CUX2: variants seen among roughly 807,000 people sequenced by gnomAD.
CUX2 encodes the protein homeobox protein cut-like 2.
Under a neutral mutation model 144.8 loss-of-function variants are expected in CUX2, and 40 were observed. The observed-to-expected ratio is 0.28, with a 90% CI of 0.21 to 0.36. The LOEUF (loss-of-function observed/expected upper bound fraction) is 0.36. Ranked by LOEUF, CUX2 falls within the 10% of genes least tolerant of loss-of-function variation. The pLI, the probability that CUX2 is intolerant of heterozygous loss-of-function variation, is 1.00. For synonymous variants in CUX2, 827 were observed against 875.6 expected (o/e 0.94, Z 0.98); for missense variants, 1,615 against 1,994.0 (o/e 0.81, Z 3.62).
Position 111,068,657 on chromosome 12 carries a change from T to C in CUX2, c.63+34417T>C, listed in dbSNP as rs1033059928. 2.0e-5 allele frequency among the ~76,000 whole-genome samples: 3 copies of C among 152,234 alleles called. No individual in the cohort carries two copies. The highest frequency in any genetic ancestry group is 7.2e-5 in the African/African-American group (3 of 41,466). On this transcript the variant is annotated intron_variant, in intron 1 of 21. Coordinates refer to ENST00000261726, the MANE Select transcript of CUX2 (RefSeq NM_015267.4). The surrounding 1 kb of genome is among the most constrained non-coding windows in gnomAD (Gnocchi z 4.9). ...TGCAGCAGTGCCTTTGTAGCTCACC[T>C]GCTCTGCCTTGCGTGGTTCAACTCC...
At chr12:111,200,620 C>G (rs1410785588) in intron 1 of CUX2, among the ~76,000 whole-genome samples, 1 of 152,068 alleles carries the variant, frequency 6.6e-6, no homozygotes, top group Non-Finnish European at 1.5e-5. Context: ...CCCATTCAAT[C>G]CAGGCCTCCC....
rs1010847147 is a variant in CUX2, at chr12:111,320,544, A to C, written c.2535A>C (p.Glu845Asp). 3 of 1,535,026 alleles carry C rather than the reference A, an allele frequency of 2.0e-6. No homozygotes were observed. The African/African-American group carries it at 4.2e-5, about 22-fold the overall frequency. Residue 845 changes from glutamate to aspartate, a missense_variant, in exon 17 of 22, where the codon GAA becomes GAC. By Grantham distance (45) the Glu-to-Asp change is conservative. Coordinates refer to ENST00000261726, the MANE Select transcript of CUX2 (RefSeq NM_015267.4). This position sits in a 1 kb window ranked among gnomAD's most constrained non-coding sequence, Gnocchi z 8.1. ...AGGCGGCGGCAGGGGCGGAGGACGA[A>C]CCCCCCAGGACGGGCGAGCTCAAGG... ...EDEAAAGAED[E>D]PPRTGELKAE...
intron 1 of CUX2, among the ~76,000 whole-genome samples, chr12:111,137,920 G>A (rs1328996641): frequency 6.6e-6 from 1 of 152,218 alleles, no homozygotes; most frequent in African/African-American, 2.4e-5. Context: ...ACAAGCTCTG[G>A]TCATGACAGA....
At chr12:111,056,466 C>T (rs563996517) in intron 1 of CUX2, among the ~76,000 whole-genome samples, 1 of 152,336 alleles carries the variant, frequency 6.6e-6, no homozygotes, top group South Asian at 2.1e-4. Flanking sequence ...ACCTCAGCTA[C>T]CTGTGGGAAC....
intron 18 of CUX2, among the ~76,000 whole-genome samples, chr12:111,323,039 C>T (rs1047123995): frequency 1.3e-5 from 2 of 152,204 alleles, no homozygotes; most frequent in African/African-American, 2.4e-5. Context: ...GTCAGCTTTG[C>T]CCGGGTGAGG....
chr12:111,251,107 T>C (rs934634013), intron 3 of CUX2, among the ~76,000 whole-genome samples: 3 of 152,144 alleles, frequency 2.0e-5, no homozygotes, highest in African/African-American at 7.2e-5. Flanking sequence ...AGAGAAATTG[T>C]GGATTTACTG....
At chr12:111,224,052 G>A (rs1345426844) in intron 3 of CUX2, among the ~76,000 whole-genome samples, 1 of 152,110 alleles carries the variant, frequency 6.6e-6, no homozygotes, top group Non-Finnish European at 1.5e-5. Flanking sequence ...GGGAGTCATG[G>A]GAGGCTTTAG....
intron 1 of CUX2, among the ~76,000 whole-genome samples, chr12:111,083,502 G>A (rs914513276): frequency 3.3e-5 from 5 of 152,100 alleles, no homozygotes; most frequent in Non-Finnish European, 7.4e-5. Flanking sequence ...ATCTTGGGGT[G>A]CCATCCAGGG....
In CUX2 at chr12:111,277,832, G is replaced by T. The variant is rs189263769; in HGVS notation, c.302-13586G>T. Among the ~76,000 whole-genome samples the T allele has an allele frequency of 4.1e-4, 62 of 152,306 alleles. No individual in the cohort carries two copies. Among genetic ancestry groups the T allele is most frequent in the Middle Eastern group, 3.4e-3 (1 of 294 alleles). On this transcript the variant is annotated intron_variant, in intron 4 of 21. Coordinates refer to ENST00000261726, the MANE Select transcript of CUX2 (RefSeq NM_015267.4). This position sits in a 1 kb window ranked among gnomAD's most constrained non-coding sequence, Gnocchi z 5.0. Reference sequence around the variant, plus strand: ...TGTAACAAATACCATGAGCTTAGAGGCTTAAAACAACACACGTTTATGATC... The same window carrying T: ...TGTAACAAATACCATGAGCTTAGAGTCTTAAAACAACACACGTTTATGATC...
At chr12:111,245,992 C>T (rs986261651) in intron 3 of CUX2, among the ~76,000 whole-genome samples, 7 of 152,270 alleles carry the variant, frequency 4.6e-5, no homozygotes, top group South Asian at 2.1e-4. Context: ...GCCTGTACCC[C>T]GCTCAGGCAG....
chr12:111,307,351 C>T lies in CUX2; in HGVS notation c.1109+94C>T, dbSNP rs187521145. The T allele has an allele frequency of 2.6e-5, 30 of 1,149,552 alleles. No homozygotes were observed. Among genetic ancestry groups the T allele is most frequent in the Non-Finnish European group, 3.8e-5 (30 of 792,532 alleles). The allele number at this position is 1,149,552 out of a possible 1,614,324, so 71.2% of individuals were successfully genotyped here. On this transcript the variant is annotated intron_variant, in intron 12 of 21. Coordinates refer to ENST00000261726, the MANE Select transcript of CUX2 (RefSeq NM_015267.4). This position sits in a 1 kb window ranked among gnomAD's most constrained non-coding sequence, Gnocchi z 4.1. ...CATCATCTTCCTCCCTCCTACTAAA[C>T]CCCATTTGTTCTTCTCTCCACTAAC...
chr12:111,184,523 T>C (rs140363220), intron 1 of CUX2, among the ~76,000 whole-genome samples: 1 of 130,876 alleles, frequency 7.6e-6, no homozygotes, highest in African/African-American at 3.0e-5. Context: ...ATAAATTCTA[T>C]GAAAATGGCA....
At chr12:111,210,789 C>A (rs1881179881) in intron 1 of CUX2, among the ~76,000 whole-genome samples, 2 of 149,018 alleles carry the variant, frequency 1.3e-5, no homozygotes, top group African/African-American at 5.0e-5. Flanking sequence ...AAGAGTGAGA[C>A]CCTGTCTCAA....
intron 4 of CUX2, among the ~76,000 whole-genome samples, chr12:111,275,590 A>G (rs534970529): frequency 1.3e-5 from 2 of 152,262 alleles, no homozygotes; most frequent in East Asian, 1.9e-4. Context: ...TTCTCCTGAC[A>G]CTAGGATACC....
At chr12:111,055,671 C>T (rs1395024242) in intron 1 of CUX2, among the ~76,000 whole-genome samples, 1 of 152,218 alleles carries the variant, frequency 6.6e-6, no homozygotes, top group Middle Eastern at 3.2e-3. Context: ...AAGGCAGCCC[C>T]CCTTCCCCCA....
intron 9 of CUX2, among the ~76,000 whole-genome samples, chr12:111,299,051 G>A (rs1886155910): frequency 6.6e-6 from 1 of 152,226 alleles, no homozygotes; most frequent in Non-Finnish European, 1.5e-5. Context: ...TTAAAAGAAG[G>A]GCAGCCACAG....
At position 111,291,560 on chromosome 12, in the gene CUX2, T is replaced by A; in HGVS notation, c.436+8T>A. ...AGCTCCTCAGCCCCAAAGGTACTGA[T>A]AAGGCCTTCTCGGAGCGTCTACAAT... On this transcript the variant is annotated splice_region_variant and intron_variant, in intron 5 of 21. Coordinates refer to ENST00000261726, the MANE Select transcript of CUX2 (RefSeq NM_015267.4). 6.3e-7 allele frequency: 1 copy of A among 1,595,506 alleles called. No homozygotes were observed. Among genetic ancestry groups the A allele is most frequent in the Non-Finnish European group, 8.5e-7 (1 of 1,171,710 alleles).
At chr12:111,212,689 T>G (rs1271217621) in intron 1 of CUX2, among the ~76,000 whole-genome samples, 1 of 152,236 alleles carries the variant, frequency 6.6e-6, no homozygotes, top group African/African-American at 2.4e-5. Flanking sequence ...ACCTTCTCCC[T>G]TCTAGTCTCA....
At chr12:111,154,905 G>C (rs1282454940) in intron 1 of CUX2, among the ~76,000 whole-genome samples, 2 of 152,146 alleles carry the variant, frequency 1.3e-5, no homozygotes, top group African/African-American at 4.8e-5. Flanking sequence ...CCTTGCTTTG[G>C]GGCACTTGGG....
Sources: allele counts gnomAD v4.1 joint callset (sites outside exome capture counted in the v4.1 genomes callset), GRCh38; gene constraint gnomAD v4.1.1; non-coding constraint Gnocchi (gnomAD v3.1); transcripts MANE v1.5; gene names NCBI Gene and HGNC (gene_info 2026-07-23, HGNC 2026-07-21).